The following PAAF1 variants were observed in gnomAD, a reference collection of about 807,000 sequenced individuals.
The protein encoded by PAAF1 is proteasomal ATPase associated factor 1.
PAAF1 carries 46 observed loss-of-function variants against 52.8 expected under a neutral mutation model. The ratio of observed to expected loss-of-function variants is 0.87; its 90% CI spans 0.69 to 1.11. The LOEUF (loss-of-function observed/expected upper bound fraction) is 1.11. PAAF1 is among the 50% of genes most tolerant of loss of function. The pLI is 0.00. For missense variants in PAAF1, 424 were observed against 477.4 expected (o/e 0.89, Z 1.04); for synonymous variants, 178 against 172.8 (o/e 1.03, Z -0.24).
At chr11:73,917,140 C>A (rs939766145) in intron 9 of PAAF1, among the ~76,000 whole-genome samples, 1 of 152,136 alleles carries the variant, frequency 6.6e-6, no homozygotes, top group African/African-American at 2.4e-5. Flanking sequence ...CCTGCCTCAG[C>A]CTCCTGAGTA....
At position 73,930,266 on chromosome 11, in the gene PAAF1, A is replaced by T. The variant is rs1950438775; in HGVS notation, c.*2904A>T. ...GCACCTATAGTCCCAGCTACTTGGG[A>T]GGCTGAGGCAGGAGAATGGTGTGAA... On this transcript the variant is annotated 3_prime_UTR_variant, in exon 12 of 12. Transcript: ENST00000310571. 6.6e-6 allele frequency: 1 copy of T among 151,418 alleles called. No homozygotes were observed. The highest frequency in any genetic ancestry group is 1.5e-5 in the Non-Finnish European group (1 of 67,936). The allele number at this position is 151,418 out of a possible 1,614,324, so 9.4% of individuals were successfully genotyped here.
chr11:73,926,995 G>A (rs1950379392), intron 11 of PAAF1, among the ~76,000 whole-genome samples: 1 of 152,160 alleles, frequency 6.6e-6, no homozygotes, highest in African/African-American at 2.4e-5. Context: ...CCTCCCTAGA[G>A]GCAGACCATC....
intron 3 of PAAF1, chr11:73,888,995 A>G (rs1949132795): frequency 4.0e-6 from 2 of 498,006 alleles, no homozygotes; most frequent in Admixed American, 3.6e-5. Context: ...CATTTTGCAG[A>G]TAAGCAAACC....
intron 1 of PAAF1, chr11:73,877,286 C>G: frequency 2.5e-6 from 1 of 400,708 alleles, no homozygotes. Flanking sequence ...CTGTGTGATC[C>G]CCGCGTCAGA....
intron 8 of PAAF1, 44 bp downstream of exon 8, chr11:73,914,548 G>T: frequency 6.6e-7 from 1 of 1,518,630 alleles, no homozygotes; most frequent in East Asian, 2.3e-5. Context: ...GGCAACCTGG[G>T]TCACTCTGTG....
chr11:73,894,959 G>A (rs1949304107), intron 4 of PAAF1, among the ~76,000 whole-genome samples: 1 of 152,202 alleles, frequency 6.6e-6, no homozygotes, highest in African/African-American at 2.4e-5. Flanking sequence ...ATTCCAGGCT[G>A]GGTGACAGAG....
intron 2 of PAAF1, among the ~76,000 whole-genome samples, chr11:73,881,646 T>C (rs540429213): frequency 6.6e-6 from 1 of 152,224 alleles, no homozygotes; most frequent in Admixed American, 6.5e-5. Context: ...TTAATGTTGT[T>C]GTTGTTGTTG....
intron 5 of PAAF1, among the ~76,000 whole-genome samples, chr11:73,899,923 C>A (rs1259968213): frequency 6.6e-6 from 1 of 151,956 alleles, no homozygotes; most frequent in Non-Finnish European, 1.5e-5. Flanking sequence ...GGATTTTAAA[C>A]AGAGATGAGT....
At chr11:73,890,194 G>T (rs1238984025) in intron 3 of PAAF1, among the ~76,000 whole-genome samples, 2 of 152,172 alleles carry the variant, frequency 1.3e-5, no homozygotes, top group Non-Finnish European at 2.9e-5. Context: ...GATAGTATTG[G>T]TATTATGCTG....
intron 6 of PAAF1, among the ~76,000 whole-genome samples, chr11:73,905,962 G>A (rs1482189115): frequency 6.6e-6 from 1 of 152,102 alleles, no homozygotes; most frequent in East Asian, 1.9e-4. Flanking sequence ...CTTCCTTATG[G>A]TGATTCCTTA....
In PAAF1 at chr11:73,927,336, C is replaced by T. The variant is rs755161935; in HGVS notation, c.1153C>T (p.Arg385Ter). ...IYTCCRDGLV[R>*]RYQLSDL ...CACATGCTGTCGAGACGGTCTTGTA[C>T]GACGCTACCAGCTTTCTGACCTCTG... Residue 385 changes from arginine to a stop codon, truncating the protein, a stop_gained, in exon 12 of 12, where the codon CGA becomes TGA. Transcript: ENST00000310571. LOFTEE classifies it high-confidence loss of function. The T allele has an allele frequency of 9.9e-6, 16 of 1,613,884 alleles. No homozygotes were observed. The highest frequency in any genetic ancestry group is 4.0e-5 in the African/African-American group (3 of 74,888).
At chr11:73,901,332 GA>G (rs951321308) in intron 6 of PAAF1, among the ~76,000 whole-genome samples, 2 of 152,090 alleles carry the variant, frequency 1.3e-5, no homozygotes, top group African/African-American at 4.8e-5. Flanking sequence ...GTTTTGTGGG[GA>G]AAAAATATTA....
rs759660798 is a variant in PAAF1 at position 73,916,685 on chromosome 11, T to C, written c.935+25T>C. ...GGTGAGTCACCATTCATTTACATGA[T>C]GCAGGTCTTCTGCAGAGTGGAAATT... is the stretch of plus-strand genomic sequence containing the variant. On this transcript the variant is annotated intron_variant, in intron 9 of 11. Coordinates refer to ENST00000310571, the MANE Select transcript of PAAF1 (RefSeq NM_025155.3). The C allele has an allele frequency of 3.2e-6, 5 of 1,557,088 alleles. 1 individual carries two copies. In the South Asian group the frequency reaches 4.5e-5, roughly 14 times the overall value.
chr11:73,886,543 G>A (rs998456995), intron 2 of PAAF1, among the ~76,000 whole-genome samples: 6 of 151,740 alleles, frequency 4.0e-5, no homozygotes, highest in East Asian at 1.9e-4. Context: ...ACATGGTGGC[G>A]GGTGCCTGTA....
chr11:73,897,040 C>T (rs1949402652), intron 4 of PAAF1, among the ~76,000 whole-genome samples: 1 of 142,796 alleles, frequency 7.0e-6, no homozygotes, highest in Non-Finnish European at 1.6e-5. Flanking sequence ...TCCTCACTTC[C>T]CAGTAGGGGC....
At position 73,930,560 on chromosome 11, in the gene PAAF1, A is replaced by G. The variant is rs1208548200; in HGVS notation, c.*3198A>G. On this transcript the variant is annotated 3_prime_UTR_variant, in exon 12 of 12. Coordinates refer to ENST00000310571, the MANE Select transcript of PAAF1 (RefSeq NM_025155.3). Reference sequence around the variant, plus strand: ...CCAGGAATTGGAGACCAGCCTGCACAACATGAGGAAACTCTGTCTCTACTA... The same window carrying G: ...CCAGGAATTGGAGACCAGCCTGCACGACATGAGGAAACTCTGTCTCTACTA... 6.6e-6 allele frequency: 1 copy of G among 151,838 alleles called. No homozygotes were observed. Among genetic ancestry groups the G allele is most frequent in the Non-Finnish European group, 1.5e-5 (1 of 68,008 alleles). The allele number at this position is 151,838 out of a possible 1,614,324, so 9.4% of individuals were successfully genotyped here.
At chr11:73,911,677 G>A (rs1036162871) in intron 7 of PAAF1, among the ~76,000 whole-genome samples, 1 of 142,084 alleles carries the variant, frequency 7.0e-6, no homozygotes, top group Non-Finnish European at 1.5e-5. Context: ...AGGCTGGAGT[G>A]CAGTGGTGCG....
chr11:73,914,771 C>T (rs947412224), intron 8 of PAAF1, among the ~76,000 whole-genome samples: 4 of 148,814 alleles, frequency 2.7e-5, no homozygotes, highest in Non-Finnish European at 5.9e-5. Context: ...GGCGCAATCT[C>T]GGTTCAGCTC....
chr11:73,921,845 T>C, intron 10 of PAAF1: 1 of 1,117,132 alleles, frequency 9.0e-7, no homozygotes, highest in Non-Finnish European at 1.3e-6. Flanking sequence ...TTGGGATACA[T>C]TGCATTAAGT....
Sources: gnomAD v4.1 joint callset for allele counts (sites outside exome capture counted in the v4.1 genomes callset) on GRCh38, gnomAD v4.1.1 for gene constraint, MANE v1.5 for transcripts, NCBI Gene and HGNC (gene_info 2026-07-23, HGNC 2026-07-21) for gene names.